The following NDUFS2 variants were observed in gnomAD, a reference collection of about 807,000 sequenced individuals.
NDUFS2 encodes the protein NADH dehydrogenase [ubiquinone] iron-sulfur protein 2, mitochondrial.
A neutral mutation model predicts 69.6 loss-of-function variants in NDUFS2; 38 were observed. That is an observed-to-expected ratio of 0.55 (90% CI 0.42 to 0.72). The LOEUF (loss-of-function observed/expected upper bound fraction) is 0.72. NDUFS2 is among the 30% of genes least tolerant of loss of function. NDUFS2 has a pLI of 0.00. For missense variants in NDUFS2, 468 were observed against 595.0 expected (o/e 0.79, Z 2.22); for synonymous variants, 194 against 211.2 (o/e 0.92, Z 0.70).
At position 161,202,477 on chromosome 1, in the gene NDUFS2, G is replaced by T; in HGVS notation, c.92G>T (p.Ser31Ile). 6.2e-7 allele frequency: 1 copy of T among 1,610,778 alleles called. No individual in the cohort carries two copies. ...GGAGTCCGATTGCCGATTCAGCCCA[G>T]CAGGTGAGATCGAGGGCAGCTCTCG... Reference protein sequence around the residue: ...GAGVRLPIQPSRGVRQWQPDV... With the variant: ...GAGVRLPIQPIRGVRQWQPDV... Residue 31 changes from serine (S) to isoleucine (I), a missense_variant, in exon 1 of 14, where the codon AGC (serine) becomes ATC (isoleucine). Ser to Ile is a moderately radical substitution (Grantham distance 142, BLOSUM62 -2). Around this residue, in one of 3 missense-constraint regions of NDUFS2, gnomAD observed 57 missense variants for 42.3 expected, o/e 1.35. Transcript: ENST00000676972.
rs77002109 is a variant in NDUFS2 at position 161,213,193 on chromosome 1, G to A, written c.1117-187G>A. The A allele has an allele frequency of 2.0e-3, 1,151 of 567,312 alleles. 5 individuals carry two copies. Among genetic ancestry groups the A allele is most frequent in the African/African-American group, 0.011 (612 of 53,570 alleles). 35.1% of individuals were successfully genotyped at this position (567,312 alleles called of 1,614,324 possible). A position where few individuals can be genotyped will look rare whatever the true frequency, so the allele number is the denominator to read the frequency against. On this transcript the variant is annotated intron_variant, in intron 10 of 13. Transcript: ENST00000676972. ...GCTGGAATTACAAGCGTGAGTCACC[G>A]CACCCGGCCATATAAGAGATTCTTA...
At chr1:161,205,713 A>T (rs1477550166) in intron 2 of NDUFS2, among the ~76,000 whole-genome samples, 1 of 151,004 alleles carries the variant, frequency 6.6e-6, no homozygotes, top group Non-Finnish European at 1.5e-5. Context: ...CATTGCAGTG[A>T]GCCGAGATGG....
chr1:161,213,730 C>G lies in NDUFS2; in HGVS notation c.1294C>G (p.Leu432Val). ...GATCAAGGCTCCTGGTTTTGCCCAT[C>G]TGGTAAGAATCAATCCCAGTAACTA... is the stretch of plus-strand genomic sequence containing the variant. ...CKIKAPGFAH[L>V]AGLDKMSKGH... is the part of the protein sequence containing the mutation. The change falls in exon 12 of 14, where the codon CTG becomes GTG. Residue 432 changes from leucine to valine, a missense_variant and splice_region_variant. Transcript: ENST00000676972. 1 of 1,614,182 alleles carries G rather than the reference C, an allele frequency of 6.2e-7. No homozygotes were observed.
Position 161,206,500 on chromosome 1 carries a change from T to C in NDUFS2, c.296T>C (p.Met99Thr). ...GCGCATGGTGTCCTGCGACTAGTGA[T>C]GGAATTGAGTGGGGAGATGGTGCGG... The part of the protein sequence containing the change: ...PAAHGVLRLV[M>T]ELSGEMVRKC... Residue 99 changes from methionine to threonine, a missense_variant, in exon 3 of 14, where the codon ATG becomes ACG. By Grantham distance (81) the Met-to-Thr change is moderately conservative. Transcript: ENST00000676972. 6.2e-7 allele frequency: 1 copy of C among 1,614,202 alleles called. No individual in the cohort carries two copies. Among genetic ancestry groups the C allele is most frequent in the Non-Finnish European group, 8.5e-7 (1 of 1,180,042 alleles).
At chr1:161,200,090 C>T (rs1238480577), upstream of NDUFS2, among the ~76,000 whole-genome samples, 1 of 152,106 alleles carries the variant, frequency 6.6e-6, no homozygotes, top group Non-Finnish European at 1.5e-5. Context: ...TGGCTCCCAC[C>T]ATCCACCCCA....
In NDUFS2 at chr1:161,212,415, A is replaced by T. The variant is rs537763172; in HGVS notation, c.1051A>T (p.Met351Leu). 2.5e-6 allele frequency: 4 copies of T among 1,613,932 alleles called. No homozygotes were observed. The African/African-American group carries it at 4.0e-5, about 16-fold the overall frequency. The part of the protein sequence containing the change: ...LRIIAQCLNK[M>L]PPGEIKVDDA... Reference sequence around the variant, plus strand: ...AATTATCGCACAGTGTCTAAACAAGATGCCTCCTGGGGAGATCAAGGTTGA... The same window carrying T: ...AATTATCGCACAGTGTCTAAACAAGTTGCCTCCTGGGGAGATCAAGGTTGA... The change falls in exon 10 of 14, where the codon ATG (methionine) becomes TTG (leucine). Residue 351 changes from methionine (M) to leucine (L), a missense_variant. By Grantham distance (15) the Met-to-Leu change is conservative. Transcript: ENST00000676972.
rs1665664587 is a variant in NDUFS2 at position 161,209,697 on chromosome 1, A to G, written c.627+102A>G. The G allele has an allele frequency of 2.4e-6, 3 of 1,238,306 alleles. No homozygotes were observed. In the Admixed American group the frequency reaches 5.9e-5, roughly 24 times the overall value. 76.7% of individuals were successfully genotyped at this position (1,238,306 alleles called of 1,614,324 possible). Reference sequence around the variant, plus strand: ...AAAAGAAGAGAGAGAACATGGGAGAACATTTAGAGGGGGAAGGTATGTTTA... The same window carrying G: ...AAAAGAAGAGAGAGAACATGGGAGAGCATTTAGAGGGGGAAGGTATGTTTA... On this transcript the variant is annotated intron_variant, in intron 5 of 13. Transcript: ENST00000676972.
chr1:161,209,531 C>T lies in NDUFS2; in HGVS notation c.563C>T (p.Thr188Ile). The change falls in exon 5 of 14, where the codon ACC becomes ATC. Residue 188 changes from threonine to isoleucine, a missense_variant. Physicochemically the swap from Thr to Ile is moderately conservative, Grantham distance 89 (BLOSUM62 -1). Around this residue, in one of 3 missense-constraint regions of NDUFS2, gnomAD observed 339 missense variants for 433.8 expected, o/e 0.78. Transcript: ENST00000676972. ...TRLLNHIMAV[T>I]THALDLGAMT... ...TTGTTGAACCACATCATGGCTGTGA[C>T]CACACATGCCCTGGACCTTGGGGCC... The T allele has an allele frequency of 6.2e-7, 1 of 1,613,718 alleles. No individual in the cohort carries two copies. The highest frequency in any genetic ancestry group is 8.5e-7 in the Non-Finnish European group (1 of 1,180,020).
In NDUFS2 at chr1:161,206,510, T is replaced by TG. The variant is rs1254061379; in HGVS notation, c.310dup (p.Glu104GlyfsTer7). ...TCCTGCGACTAGTGATGGAATTGAG[T>TG]GGGGAGATGGTGCGGAAGTGTGATC... On this transcript the variant is annotated frameshift_variant, in exon 3 of 14. Transcript: ENST00000676972. LOFTEE classifies it high-confidence loss of function. 1 of 1,613,926 alleles carries TG rather than the reference T, an allele frequency of 6.2e-7. No homozygotes were observed. Among genetic ancestry groups the TG allele is most frequent in the African/African-American group, 1.3e-5 (1 of 74,864 alleles).
chr1:161,198,406 G>T, upstream of NDUFS2: 1 of 1,607,328 alleles, frequency 6.2e-7, no homozygotes, highest in South Asian at 1.1e-5. The surrounding 1 kb of genome is among the most constrained non-coding windows in gnomAD (Gnocchi z 4.7). Flanking sequence ...GGGCGCCCGA[G>T]CCAGGCAGGA....
At chr1:161,198,074 C>T (rs1359146775), upstream of NDUFS2, 5 of 1,611,114 alleles carry the variant, frequency 3.1e-6, no homozygotes, top group Non-Finnish European at 4.2e-6. This position sits in a 1 kb window ranked among gnomAD's most constrained non-coding sequence, Gnocchi z 4.7. Context: ...GCTGGCAGGA[C>T]TCTTCCGGCG....
chr1:161,210,460 C>T, intron 8 of NDUFS2, 71 bp downstream of exon 8: 1 of 1,600,830 alleles, frequency 6.2e-7, no homozygotes, highest in South Asian at 1.1e-5. Context: ...AATATCTTGT[C>T]TTTGAAGACT....
At chr1:161,199,857 T>C (rs746449482), upstream of NDUFS2, among the ~76,000 whole-genome samples, 2 of 112,456 alleles carry the variant, frequency 1.8e-5, no homozygotes, top group African/African-American at 3.4e-5. Context: ...AGAACAGCCA[T>C]TCCGCCTCCA....
intron 9 of NDUFS2, 81 bp downstream of exon 9, chr1:161,210,791 C>T (rs1665729208): frequency 2.5e-6 from 4 of 1,600,028 alleles, no homozygotes; most frequent in East Asian, 2.2e-5. Context: ...TCCTTCTTTA[C>T]CCTACTTCTC....
intron 3 of NDUFS2, among the ~76,000 whole-genome samples, chr1:161,208,695 C>G (rs1665611869): frequency 6.6e-6 from 1 of 152,244 alleles, no homozygotes; most frequent in South Asian, 2.1e-4. Context: ...AGTTGTTGAA[C>G]ATAGCCATTG....
At chr1:161,208,535 G>A (rs1483433454) in intron 3 of NDUFS2, among the ~76,000 whole-genome samples, 1 of 152,016 alleles carries the variant, frequency 6.6e-6, no homozygotes, top group Non-Finnish European at 1.5e-5. Flanking sequence ...CCTGACCTCA[G>A]GTGATCTACC....
intron 2 of NDUFS2, chr1:161,203,817 G>A (rs1665309573): frequency 4.6e-6 from 2 of 438,384 alleles, no homozygotes; most frequent in Admixed American, 6.8e-5. Context: ...GACCAGGCTG[G>A]TTTCAAACTC....
In NDUFS2 at chr1:161,209,382, G is replaced by A. The variant is rs1288851729; in HGVS notation, c.514+69G>A. 12 of 1,612,290 alleles carry A rather than the reference G, an allele frequency of 7.4e-6. No homozygotes were observed. In the Admixed American group the frequency reaches 8.3e-5, roughly 11 times the overall value. ...ATAGTGCCTTTTCCACCACTTCCCC[G>A]TTGAACCCAAGCTTAGTGTTCAGAC... On this transcript the variant is annotated intron_variant, in intron 4 of 13. Transcript: ENST00000676972.
rs76362321 is a variant in NDUFS2, at chr1:161,206,166, GA to G, written c.203-230del. ...TCTATGCACACTGACTATGAACCAT[GA>G]AAAAAAAAAAGGTATTCTAGGAGAC... On this transcript the variant is annotated intron_variant, in intron 2 of 13. Coordinates refer to ENST00000676972, the MANE Select transcript of NDUFS2 (RefSeq NM_001377299.1). 0.076 allele frequency among the ~76,000 whole-genome samples: 11,019 copies of G among 145,480 alleles called. 456 individuals carry two copies. The highest frequency in any genetic ancestry group is 0.15 in the South Asian group (700 of 4,670).
Sources: allele counts gnomAD v4.1 joint callset (sites outside exome capture counted in the v4.1 genomes callset), GRCh38; gene constraint gnomAD v4.1.1; regional missense constraint gnomAD v4.1.1; non-coding constraint Gnocchi (gnomAD v3.1); transcripts MANE v1.5; gene names NCBI Gene and HGNC (gene_info 2026-07-23, HGNC 2026-07-21).